CARNS1: variants seen among roughly 807,000 people sequenced by gnomAD.
CARNS1 encodes carnosine synthase 1, also known as ATP-grasp domain containing 1.
Under a neutral mutation model 74.0 loss-of-function variants are expected in CARNS1, and 61 were observed. That is an observed-to-expected ratio of 0.82 (90% CI 0.67 to 1.02). CARNS1 has a LOEUF of 1.02. CARNS1 is among the 50% of genes least tolerant of loss of function. The pLI, the probability that CARNS1 is intolerant of heterozygous loss-of-function variation, is 0.00. For missense variants in CARNS1, 1,278 were observed against 1,308.4 expected, an observed-to-expected ratio of 0.98 and a Z score of 0.36; for synonymous variants, 568 against 605.5, an observed-to-expected ratio of 0.94 and a Z score of 0.91.
intron 8 of CARNS1, 33 bp from the exon 9 acceptor site, chr11:67,420,906 C>T: frequency 7.4e-7 from 1 of 1,354,118 alleles, no homozygotes. Flanking sequence ...CGGTGGCTGC[C>T]GTAGCTGAGC....
At chr11:67,418,355 T>G in intron 3 of CARNS1, 76 bp from the exon 4 acceptor site, 2 of 1,048,402 alleles carry the variant, frequency 1.9e-6, no homozygotes, top group Non-Finnish European at 2.6e-6. Flanking sequence ...GGGCCGTGGG[T>G]GTGGAGGTGG....
At chr11:67,420,522 C>G in intron 7 of CARNS1, 87 bp from the exon 8 acceptor site, 1 of 801,684 alleles carries the variant, frequency 1.2e-6, no homozygotes. Flanking sequence ...AGTGAGGGGT[C>G]TGGTCTGAAT....
chr11:67,416,523 A>G, intron 2 of CARNS1: 1 of 1,194,284 alleles, frequency 8.4e-7, no homozygotes, highest in African/African-American at 1.6e-5. Flanking sequence ...GCCACAGCAC[A>G]CCATCTCCCA....
chr11:67,418,696 G>C (rs1426529929), intron 4 of CARNS1, 60 bp from the exon 5 acceptor site: 2 of 1,486,986 alleles, frequency 1.3e-6, no homozygotes, highest in Non-Finnish European at 1.8e-6. Context: ...CGCTACCCGG[G>C]GGCCCGGGCA....
chr11:67,420,344 G>T (rs1457240595), intron 7 of CARNS1, among the ~76,000 whole-genome samples: 3 of 152,150 alleles, frequency 2.0e-5, no homozygotes, highest in African/African-American at 7.2e-5. Context: ...CACCAGGGTG[G>T]CCCAGGCCCC....
In CARNS1 at chr11:67,424,286, T is replaced by C; in HGVS notation, c.2538T>C (p.Arg846=). Residue 846 remains arginine (R), a synonymous_variant, in exon 10 of 10, where the codon CGT becomes CGC. Transcript: ENST00000687366. ...CTGTTATGGTGGCCTGTGGCTTGCGTCCTGCCCTGCCCACCCGCCCACGTG... is the reference window on the plus strand; with the variant it reads ...CTGTTATGGTGGCCTGTGGCTTGCGCCCTGCCCTGCCCACCCGCCCACGTG... The part of the protein sequence containing the change: ...LAAVMVACGL[R]PALPTRPRAR... 1 of 1,612,694 alleles carries C rather than the reference T, an allele frequency of 6.2e-7. No homozygotes were observed. Among genetic ancestry groups the C allele is most frequent in the South Asian group, 1.1e-5 (1 of 90,996 alleles).
At chr11:67,421,438 G>C (rs1158278663) in intron 9 of CARNS1, among the ~76,000 whole-genome samples, 2 of 152,232 alleles carry the variant, frequency 1.3e-5, no homozygotes, top group Non-Finnish European at 2.9e-5. Flanking sequence ...GCTAGTTCTG[G>C]AGTGAGAGGC....
Position 67,417,538 on chromosome 11 carries a change from C to T in CARNS1, c.135C>T (p.Asp45=), listed in dbSNP as rs771295553. 1.4e-5 allele frequency: 20 copies of T among 1,418,260 alleles called. No homozygotes were observed. The East Asian group carries it at 2.0e-4, about 14-fold the overall frequency. The allele number at this position is 1,418,260 out of a possible 1,614,324, so 87.9% of individuals were successfully genotyped here. A position where few individuals can be genotyped will look rare whatever the true frequency, so the allele number is the denominator to read the frequency against. The part of the protein sequence containing the change: ...TGCFPGSWRQ[D]VGLDCKGSPE... ...GCTTCCCTGGCTCCTGGCGCCAGGA[C>T]GTGGGCCTGGACTGCAAGGGATCCC... Residue 45 remains aspartate (D), a synonymous_variant, in exon 3 of 10, where the codon GAC becomes GAT. Transcript: ENST00000687366.
At position 67,416,811 on chromosome 11, in the gene CARNS1, G is replaced by A. The variant is rs563993194; in HGVS notation, c.4-596G>A. Reference sequence around the variant, plus strand: ...GGTTTCATCCAAAGAAAGCATTTCCGTGACTCAAAATATCTGCAGGGGGGA... The same window carrying A: ...GGTTTCATCCAAAGAAAGCATTTCCATGACTCAAAATATCTGCAGGGGGGA... On this transcript the variant is annotated intron_variant, in intron 2 of 9. Transcript: ENST00000687366. The A allele has an allele frequency of 4.7e-5, 46 of 986,380 alleles. No individual in the cohort carries two copies. The South Asian group carries it at 1.4e-3, about 31-fold the overall frequency. The allele number at this position is 986,380 out of a possible 1,614,324, so 61.1% of individuals were successfully genotyped here. A position where few individuals can be genotyped will look rare whatever the true frequency, so the allele number is the denominator to read the frequency against.
At position 67,419,060 on chromosome 11, in the gene CARNS1, G is replaced by A. The variant is rs754123929; in HGVS notation, c.669G>A (p.Gln223=). 1 of 1,559,964 alleles carries A rather than the reference G, an allele frequency of 6.4e-7. No individual in the cohort carries two copies. The highest frequency in any genetic ancestry group is 1.2e-5 in the South Asian group (1 of 84,710). Residue 223 remains glutamine, a synonymous_variant, in exon 5 of 10, where the codon CAG becomes CAA. Transcript: ENST00000687366. ...TGACAAGGCAGTTGCTGGCCCAGCA[G>A]GGTGGTGTGGCTGTGCCAGCAACCC... The part of the protein sequence containing the change: ...RLLTRQLLAQ[Q]GGVAVPATLA...
Position 67,420,558 on chromosome 11 carries a change from C to G in CARNS1, c.1114-51C>G, listed in dbSNP as rs1429533301. On this transcript the variant is annotated intron_variant, in intron 7 of 9. Coordinates refer to ENST00000687366, the MANE Select transcript of CARNS1 (RefSeq NM_001166222.2). ...TTTGGCACAAGGCGGTGGGGGTGTG[C>G]GTGGGGGGCAGGGAGTGTGTGGGCC... The G allele has an allele frequency of 1.5e-5, 17 of 1,135,410 alleles. No homozygotes were observed. The South Asian group carries it at 5.3e-4, about 35-fold the overall frequency. The allele number at this position is 1,135,410 out of a possible 1,614,324, so 70.3% of individuals were successfully genotyped here. A position where few individuals can be genotyped will look rare whatever the true frequency, so the allele number is the denominator to read the frequency against.
Position 67,419,200 on chromosome 11 carries a change from T to G in CARNS1, c.809T>G (p.Val270Gly). 2 of 1,505,782 alleles carry G rather than the reference T, an allele frequency of 1.3e-6. No individual in the cohort carries two copies. The highest frequency in any genetic ancestry group is 2.4e-5 in the East Asian group (1 of 40,938). 93.3% of individuals were successfully genotyped at this position (1,505,782 alleles called of 1,614,324 possible). A position where few individuals can be genotyped will look rare whatever the true frequency, so the allele number is the denominator to read the frequency against. The change falls in exon 5 of 10, where the codon GTG (valine) becomes GGG (glycine). Residue 270 changes from valine (V) to glycine (G), a missense_variant. By Grantham distance (109) the Val-to-Gly change is moderately radical. This residue lies in a region of CARNS1 where 1,164 missense variants were observed against 1,156.5 expected (regional missense o/e 1.01). Transcript: ENST00000687366. Reference sequence around the variant, plus strand: ...CAGGAGACGCTGGTGAAAGAGGAAGTGGAGGCTTTTCTGCGCTCCGAGGCC... The same window carrying G: ...CAGGAGACGCTGGTGAAAGAGGAAGGGGAGGCTTTTCTGCGCTCCGAGGCC... ...EGQETLVKEE[V>G]EAFLRSEALG... is the part of the protein sequence containing the mutation.
At chr11:67,421,328 C>T (rs1590961157) in intron 9 of CARNS1, 109 bp downstream of exon 9, 1 of 1,222,064 alleles carries the variant, frequency 8.2e-7, no homozygotes, top group East Asian at 3.2e-5. Context: ...GCGGGACCAG[C>T]CGCGCTAGAG....
At chr11:67,418,304 G>A in intron 3 of CARNS1, 127 bp from the exon 4 acceptor site, 1 of 627,632 alleles carries the variant, frequency 1.6e-6, no homozygotes, top group Non-Finnish European at 2.5e-6. Context: ...CCTGTCCCCT[G>A]TCTCATCCGA....
At position 67,419,613 on chromosome 11, in the gene CARNS1, A is replaced by C. The variant is rs1192429904; in HGVS notation, c.979A>C (p.Ser327Arg). The change falls in exon 6 of 10, where the codon AGT (serine) becomes CGT (arginine). Residue 327 changes from serine (S) to arginine (R), a missense_variant. Physicochemically the swap from Ser to Arg is moderately radical, Grantham distance 110 (BLOSUM62 -1). Around this residue, in one of 3 missense-constraint regions of CARNS1, gnomAD observed 1,164 missense variants for 1,156.5 expected, o/e 1.01. Transcript: ENST00000687366. The stretch of plus-strand genomic sequence containing the variant: ...GCTGGAGAAGCTGGAGGAGGAGGAG[A>C]GTGTCCTGGTGGAGGCTGTGTACCC... ...ALLEKLEEEE[S>R]VLVEAVYPPA... 1 of 1,603,040 alleles carries C rather than the reference A, an allele frequency of 6.2e-7. No individual in the cohort carries two copies. The highest frequency in any genetic ancestry group is 1.3e-5 in the African/African-American group (1 of 74,766).
At position 67,415,692 on chromosome 11, in the gene CARNS1, A is replaced by ACCG. The variant is rs1025436323; in HGVS notation, c.-85_-83dup. On this transcript the variant is annotated 5_prime_UTR_variant, in exon 1 of 10. Coordinates refer to ENST00000687366, the MANE Select transcript of CARNS1 (RefSeq NM_001166222.2). ...TTGGGCCGGGCGCTGTGCCACTGCC[A>ACCG]CCGCCGCCGCCGCTGCATCCCGCCC... The ACCG allele has an allele frequency of 1.3e-5, 2 of 151,278 alleles. No homozygotes were observed. Among genetic ancestry groups the ACCG allele is most frequent in the Non-Finnish European group, 2.9e-5 (2 of 68,528 alleles). 9.4% of individuals were successfully genotyped at this position (151,278 alleles called of 1,614,324 possible). A position where few individuals can be genotyped will look rare whatever the true frequency, so the allele number is the denominator to read the frequency against.
In CARNS1 at chr11:67,424,003, A is replaced by G. The variant is rs889967149; in HGVS notation, c.2255A>G (p.Asn752Ser). 20 of 1,613,094 alleles carry G rather than the reference A, an allele frequency of 1.2e-5. No homozygotes were observed. The highest frequency in any genetic ancestry group is 2.2e-5 in the East Asian group (1 of 44,882). The change falls in exon 10 of 10, where the codon AAT (asparagine) becomes AGT (serine). Residue 752 changes from asparagine to serine, a missense_variant. Asn to Ser is a conservative substitution (Grantham distance 46). Transcript: ENST00000687366. The part of the protein sequence containing the change: ...GRLLAAFVSD[N>S]GPTRLPGFTE... ...TTGCTGGCTGCCTTTGTCTCCGACA[A>G]TGGCCCTACGAGGCTGCCTGGCTTC...
At chr11:67,421,359 C>A in intron 9 of CARNS1, 140 bp downstream of exon 9, 2 of 1,013,206 alleles carry the variant, frequency 2.0e-6, no homozygotes, top group Non-Finnish European at 2.7e-6. Flanking sequence ...GGCGGGGCAT[C>A]CTGGCCAGGT....
At position 67,419,545 on chromosome 11, in the gene CARNS1, C is replaced by T. The variant is rs746941221; in HGVS notation, c.911C>T (p.Pro304Leu). 9.0e-5 allele frequency: 144 copies of T among 1,608,182 alleles called. No homozygotes were observed. The highest frequency in any genetic ancestry group is 1.1e-4 in the Non-Finnish European group (124 of 1,178,754). Residue 304 changes from proline to leucine, a missense_variant, in exon 6 of 10, where the codon CCG becomes CTG. This residue lies in a region of CARNS1 where 1,164 missense variants were observed against 1,156.5 expected (regional missense o/e 1.01). Coordinates refer to ENST00000687366, the MANE Select transcript of CARNS1 (RefSeq NM_001166222.2). Reference protein sequence around the residue: ...WRGRQAWRLHPRAELGAVVDT... With the variant: ...WRGRQAWRLHLRAELGAVVDT... ...GGGCGGCAGGCATGGCGTCTGCACC[C>T]GCGGGCAGAGCTGGGTGCAGTGGTG...
Sources: gnomAD v4.1 joint callset for allele counts (sites outside exome capture counted in the v4.1 genomes callset) on GRCh38, gnomAD v4.1.1 for gene constraint, gnomAD v4.1.1 regional missense constraint, MANE v1.5 for transcripts, NCBI Gene and HGNC (gene_info 2026-07-23, HGNC 2026-07-21) for gene names.